The following SPTLC1 variants were observed in gnomAD, a reference collection of about 807,000 sequenced individuals.
SPTLC1 encodes the protein serine palmitoyltransferase long chain base subunit 1, also known as serine palmitoyltransferase 1.
A neutral mutation model predicts 68.9 loss-of-function variants in SPTLC1; 55 were observed. The observed-to-expected ratio is 0.80, with a 90% CI of 0.64 to 1.00. The LOEUF (loss-of-function observed/expected upper bound fraction) is 1.00, where lower values mean the gene tolerates loss of function less well. SPTLC1 is among the 50% of genes least tolerant of loss of function. SPTLC1 has a pLI of 0.00. For synonymous variants in SPTLC1, 197 were observed against 201.6 expected, an observed-to-expected ratio of 0.98 and a Z score of 0.19; for missense variants, 449 against 573.1, an observed-to-expected ratio of 0.78 and a Z score of 2.21.
intron 8 of SPTLC1, among the ~76,000 whole-genome samples, chr9:92,052,511 A>G (rs993399630): frequency 2.6e-5 from 4 of 151,984 alleles, no homozygotes; most frequent in African/African-American, 9.7e-5. Flanking sequence ...ATAATTTTGG[A>G]TTAAACAAAG....
At chr9:92,087,901 A>G (rs1304288000) in intron 3 of SPTLC1, among the ~76,000 whole-genome samples, 1 of 152,238 alleles carries the variant, frequency 6.6e-6, no homozygotes, top group Non-Finnish European at 1.5e-5. Flanking sequence ...GGCTCCACCC[A>G]GTTCGAGCTT....
chr9:92,049,546 A>G (rs1359467991), intron 9 of SPTLC1, among the ~76,000 whole-genome samples: 2 of 152,200 alleles, frequency 1.3e-5, no homozygotes, highest in African/African-American at 4.8e-5. Flanking sequence ...CCACAAACAC[A>G]TTATATAGAA....
intron 6 of SPTLC1, among the ~76,000 whole-genome samples, chr9:92,063,382 G>T (rs563213228): frequency 6.6e-6 from 1 of 151,990 alleles, no homozygotes; most frequent in Non-Finnish European, 1.5e-5. Flanking sequence ...TAAGATACTT[G>T]CAAAAAAGAA....
chr9:92,092,453 G>A (rs369134331), intron 3 of SPTLC1, among the ~76,000 whole-genome samples: 73 of 152,248 alleles, frequency 4.8e-4, no homozygotes, highest in African/African-American at 1.8e-3. Flanking sequence ...TACAGGCCGG[G>A]TGCAGTGACT....
At chr9:92,073,230 C>A (rs888934780) in intron 5 of SPTLC1, among the ~76,000 whole-genome samples, 1 of 152,200 alleles carries the variant, frequency 6.6e-6, no homozygotes, top group Non-Finnish European at 1.5e-5. Flanking sequence ...AGACCCTACT[C>A]AAATATATAC....
At position 92,086,430 on chromosome 9, in the gene SPTLC1, C is replaced by A. The variant is rs1054471206; in HGVS notation, c.261-5467G>T. On this transcript the variant is annotated intron_variant, in intron 3 of 14. Coordinates refer to ENST00000262554, the MANE Select transcript of SPTLC1 (RefSeq NM_006415.4). ...GCTTCCTTCAGGAGCTCTTTTAGGG[C>A]AGGCCTGGTGGTGACAAAATCTCTC... Among the ~76,000 whole-genome samples the A allele has an allele frequency of 2.0e-5, 3 of 152,156 alleles. No individual in the cohort carries two copies. In the East Asian group the frequency reaches 5.8e-4, roughly 29 times the overall value.
Position 92,032,102 on chromosome 9 carries a change from A to G in SPTLC1, c.*363T>C. The G allele has an allele frequency of 1.7e-6, 1 of 601,732 alleles. No homozygotes were observed. The highest frequency in any genetic ancestry group is 2.8e-5 in the East Asian group (1 of 35,278). 37.3% of individuals were successfully genotyped at this position (601,732 alleles called of 1,614,324 possible). On this transcript the variant is annotated 3_prime_UTR_variant, in exon 15 of 15. Coordinates refer to ENST00000262554, the MANE Select transcript of SPTLC1 (RefSeq NM_006415.4). The stretch of plus-strand genomic sequence containing the variant: ...GTTAAGGAGTGCTTACTGAACCATT[A>G]CTATTAGAGGGAGGGAAGAGACACT...
At chr9:92,067,304 C>T (rs1041503319) in intron 6 of SPTLC1, among the ~76,000 whole-genome samples, 1 of 98,878 alleles carries the variant, frequency 1.0e-5, no homozygotes, top group South Asian at 2.8e-4. Context: ...ATCTCACACA[C>T]AAAAAAAAAA....
intron 3 of SPTLC1, among the ~76,000 whole-genome samples, chr9:92,100,144 G>C (rs983940897): frequency 6.6e-6 from 1 of 152,152 alleles, no homozygotes; most frequent in Non-Finnish European, 1.5e-5. Flanking sequence ...GTCAGGTATG[G>C]GGGCTCACGC....
At chr9:92,071,553 A>G (rs1834492324) in intron 5 of SPTLC1, among the ~76,000 whole-genome samples, 2 of 152,222 alleles carry the variant, frequency 1.3e-5, no homozygotes, top group South Asian at 4.1e-4. Flanking sequence ...GATCCTTAGC[A>G]AAGTGTTCTA....
chr9:92,093,271 A>T (rs7871444), intron 3 of SPTLC1, among the ~76,000 whole-genome samples: 1 of 152,028 alleles, frequency 6.6e-6, no homozygotes, highest in Admixed American at 6.5e-5. Flanking sequence ...CTCTTAGAAA[A>T]CTAGATCGGA....
intron 3 of SPTLC1, among the ~76,000 whole-genome samples, chr9:92,090,424 C>T (rs977228458): frequency 6.6e-6 from 1 of 152,146 alleles, no homozygotes; most frequent in Admixed American, 6.5e-5. Context: ...GCCTGGCCAA[C>T]ATGGTGAAAC....
At chr9:92,089,409 A>G (rs371136833) in intron 3 of SPTLC1, among the ~76,000 whole-genome samples, 10 of 152,188 alleles carry the variant, frequency 6.6e-5, no homozygotes, top group African/African-American at 2.2e-4. Context: ...ACAAAATTCT[A>G]TCTCAAAAAC....
chr9:92,090,952 T>C (rs917117922), intron 3 of SPTLC1, among the ~76,000 whole-genome samples: 26 of 152,110 alleles, frequency 1.7e-4, no homozygotes, highest in African/African-American at 6.3e-4. Context: ...GGGTCCCTAA[T>C]CATCTGTGGC....
At chr9:92,074,377 C>A (rs183751874) in intron 5 of SPTLC1, among the ~76,000 whole-genome samples, 1 of 152,064 alleles carries the variant, frequency 6.6e-6, no homozygotes, top group South Asian at 2.1e-4. Flanking sequence ...CCTTATTAGA[C>A]CAAGATATTT....
At chr9:92,038,418 C>A in intron 12 of SPTLC1, 53 bp from the exon 13 acceptor site, 1 of 1,164,094 alleles carries the variant, frequency 8.6e-7, no homozygotes, top group Non-Finnish European at 1.3e-6. Flanking sequence ...GCTTGAAGAT[C>A]GCTCACGGAG....
chr9:92,093,666 G>A (rs1271188480), intron 3 of SPTLC1, among the ~76,000 whole-genome samples: 1 of 152,186 alleles, frequency 6.6e-6, no homozygotes, highest in East Asian at 1.9e-4. Flanking sequence ...GTCAGCTGAA[G>A]GGATGGCTCA....
chr9:92,053,898 T>C (rs1162202424), intron 8 of SPTLC1: 20 of 905,864 alleles, frequency 2.2e-5, no homozygotes, highest in Non-Finnish European at 2.2e-5. Flanking sequence ...TTTAAATTGG[T>C]TAATTTTGTG....
rs554148736 is a variant in SPTLC1 at position 92,069,649 on chromosome 9, T to G, written c.428-1551A>C. Among the ~76,000 whole-genome samples, 593 of 152,270 alleles carry G rather than the reference T, an allele frequency of 3.9e-3. 1 individual carries two copies. The highest frequency in any genetic ancestry group is 0.01 in the Middle Eastern group (3 of 294). On this transcript the variant is annotated intron_variant, in intron 5 of 14. Coordinates refer to ENST00000262554, the MANE Select transcript of SPTLC1 (RefSeq NM_006415.4). The stretch of plus-strand genomic sequence containing the variant: ...TAGCTGAGCATGGGTTACTCTTGGG[T>G]ATGTCTTCCTTCTCATCCTCATTAC...
Sources: allele counts gnomAD v4.1 joint callset (sites outside exome capture counted in the v4.1 genomes callset), GRCh38; gene constraint gnomAD v4.1.1; transcripts MANE v1.5; gene names NCBI Gene and HGNC (gene_info 2026-07-23, HGNC 2026-07-21).